The following ASXL2 variants were observed in gnomAD, a reference collection of about 807,000 sequenced individuals.
The protein encoded by ASXL2 is putative Polycomb group protein ASXL2.
ASXL2 carries 23 observed loss-of-function variants against 122.0 expected under a neutral mutation model. That is an observed-to-expected ratio of 0.19 (90% CI 0.14 to 0.27). The LOEUF is 0.27. Ranked by LOEUF, ASXL2 falls within the 10% of genes least tolerant of loss-of-function variation. The probability of loss-of-function intolerance (pLI) is 1.00; values close to 1 mark genes in which losing one functional copy is unlikely to be tolerated. For missense variants in ASXL2, 1,518 were observed against 1,713.8 expected, an observed-to-expected ratio of 0.89 and a Z score of 2.02; for synonymous variants, 650 against 637.0, an observed-to-expected ratio of 1.02 and a Z score of -0.31.
intron 6 of ASXL2, among the ~76,000 whole-genome samples, chr2:25,770,762 G>A (rs1019876867): frequency 1.3e-5 from 2 of 152,138 alleles, no homozygotes; most frequent in Admixed American, 1.3e-4. Context: ...ATCTAGCTGT[G>A]TGTAATTCTC....
chr2:25,816,655 T>G (rs1211231475), intron 3 of ASXL2, among the ~76,000 whole-genome samples: 4 of 152,202 alleles, frequency 2.6e-5, no homozygotes, highest in Non-Finnish European at 5.9e-5. Context: ...TATAAGCCAC[T>G]GAAATTTTAA....
At chr2:25,792,546 C>CA (rs139707569) in intron 5 of ASXL2, among the ~76,000 whole-genome samples, 3,027 of 151,426 alleles carry the variant, frequency 0.02, 88 homozygotes, top group African/African-American at 0.068. Context: ...TGATTAAAAA[C>CA]AAAAAAACAA....
intron 5 of ASXL2, among the ~76,000 whole-genome samples, chr2:25,778,947 TCAATAG>T (rs1187199904): frequency 2.6e-5 from 4 of 152,148 alleles, no homozygotes; most frequent in Non-Finnish European, 5.9e-5. Context: ...GTGCTCACTG[TCAATAG>T]GTTACCACTA....
At chr2:25,756,476 G>GAAAAAAAAAAAAAAAAAAAAAAAA (rs796246064) in intron 9 of ASXL2, among the ~76,000 whole-genome samples, 1 of 104,390 alleles carries the variant, frequency 9.6e-6, no homozygotes, top group Non-Finnish European at 2.1e-5. Context: ...AAAAAAAAAA[G>GAAAAAAAAAAAAAAAAAAAAAAAA]AAAAAAAAAA....
intron 5 of ASXL2, among the ~76,000 whole-genome samples, chr2:25,795,327 A>C (rs763089077): frequency 5.3e-5 from 8 of 152,210 alleles, no homozygotes; most frequent in Non-Finnish European, 1.0e-4. Context: ...CCAATATTCA[A>C]TTTGATATTA....
At chr2:25,795,047 A>C (rs2088892361) in intron 5 of ASXL2, among the ~76,000 whole-genome samples, 1 of 152,202 alleles carries the variant, frequency 6.6e-6, no homozygotes, top group African/African-American at 2.4e-5. Flanking sequence ...AGACTAAATC[A>C]TTCTTCATAA....
chr2:25,864,150 G>A (rs1408345403), intron 1 of ASXL2, among the ~76,000 whole-genome samples: 1 of 152,074 alleles, frequency 6.6e-6, no homozygotes. Context: ...ACTCGTTAAC[G>A]GTGGAGCACT....
intron 8 of ASXL2, among the ~76,000 whole-genome samples, chr2:25,762,665 G>GAAAAAAAAAAAAAAAATAAAAA (rs2088274977): frequency 2.9e-5 from 1 of 34,266 alleles, no homozygotes; most frequent in African/African-American, 1.5e-4. Flanking sequence ...ACTCTTTCTC[G>GAAAAAAAAAAAAAAAATAAAAA]AAAAAAAAAA....
intron 3 of ASXL2, among the ~76,000 whole-genome samples, chr2:25,820,233 A>G (rs1257045401): frequency 2.0e-5 from 3 of 152,188 alleles, no homozygotes; most frequent in Non-Finnish European, 4.4e-5. Context: ...AGTATTTAAA[A>G]GTGAATGGGG....
At chr2:25,784,902 C>T (rs1196955025) in intron 5 of ASXL2, among the ~76,000 whole-genome samples, 2 of 152,182 alleles carry the variant, frequency 1.3e-5, no homozygotes. Context: ...TTGAAGGGGA[C>T]ACAATTTGAA....
At position 25,743,639 on chromosome 2, in the gene ASXL2, G is replaced by A. The variant is rs764952565; in HGVS notation, c.2698C>T (p.Pro900Ser). The change falls in exon 13 of 13, where the codon CCT (proline) becomes TCT (serine). Residue 900 changes from proline (P) to serine (S), a missense_variant. By Grantham distance (74) the Pro-to-Ser change is moderately conservative. Transcript: ENST00000435504. ...GTAGTTGCACTGACCTGGGGTACAGGAAGCTTTTCTAAAGTGGCTGTGGTC... is the reference window on the plus strand; with the variant it reads ...GTAGTTGCACTGACCTGGGGTACAGAAAGCTTTTCTAAAGTGGCTGTGGTC... ...LLTTATLEKL[P>S]VPQVSATTAP... 6.2e-7 allele frequency: 1 copy of A among 1,614,012 alleles called. No individual in the cohort carries two copies. The highest frequency in any genetic ancestry group is 8.5e-7 in the Non-Finnish European group (1 of 1,179,894).
rs2087872267 is a variant in ASXL2, at chr2:25,743,342, T to G, written c.2995A>C (p.Thr999Pro). Residue 999 changes from threonine (T) to proline (P), a missense_variant, in exon 13 of 13, where the codon ACA becomes CCA. By Grantham distance (38) the Thr-to-Pro change is conservative (BLOSUM62 -1). Coordinates refer to ENST00000435504, the MANE Select transcript of ASXL2 (RefSeq NM_018263.6). ...ACTTCCTCTCTGGTGCTATTTTCTG[T>G]TGTGTTGGTAGCTATGAGCGCTCCC... is the stretch of plus-strand genomic sequence containing the variant. ...GMGALIATNTTENSTREEVNE... is the reference protein window; with the variant it reads ...GMGALIATNTPENSTREEVNE... 6.2e-7 allele frequency: 1 copy of G among 1,613,866 alleles called. No homozygotes were observed. The highest frequency in any genetic ancestry group is 8.5e-7 in the Non-Finnish European group (1 of 1,179,890).
At chr2:25,762,658 C>T (rs2149148975) in intron 8 of ASXL2, among the ~76,000 whole-genome samples, 1 of 91,328 alleles carries the variant, frequency 1.1e-5, no homozygotes, top group Non-Finnish European at 2.0e-5. Context: ...GAGCGAGACT[C>T]TTTCTCGAAA....
At chr2:25,861,538 A>G (rs1002697862) in intron 1 of ASXL2, among the ~76,000 whole-genome samples, 1 of 152,224 alleles carries the variant, frequency 6.6e-6, no homozygotes, top group African/African-American at 2.4e-5. Flanking sequence ...CAAAATACTT[A>G]AAGAACTATA....
rs553899733 is a variant in ASXL2 at position 25,845,411 on chromosome 2, T to C, written c.140+70A>G. 50 of 1,309,432 alleles carry C rather than the reference T, an allele frequency of 3.8e-5. 1 individual carries two copies. The highest frequency in any genetic ancestry group is 2.3e-4 in the Middle Eastern group (1 of 4,268). The allele number at this position is 1,309,432 out of a possible 1,614,324, so 81.1% of individuals were successfully genotyped here. On this transcript the variant is annotated intron_variant, in intron 2 of 12. Transcript: ENST00000435504. ...GTAATTAATCTTCAGGACTAAAGTA[T>C]ACTATTATATACTACCAAATACTCT...
In ASXL2 at chr2:25,799,386, T is replaced by A; in HGVS notation, c.402A>T (p.Lys134Asn). The change falls in exon 5 of 13, where the codon AAA becomes AAT. Residue 134 changes from lysine to asparagine, a missense_variant and splice_region_variant. Physicochemically the swap from Lys to Asn is moderately conservative, Grantham distance 94. This residue lies in a region of ASXL2 where 198 missense variants were observed against 209.0 expected (regional missense o/e 0.95). Coordinates refer to ENST00000435504, the MANE Select transcript of ASXL2 (RefSeq NM_018263.6). Reference protein sequence around the residue: ...KEGKKSRWKRKVSSSSPQSGC... With the variant: ...KEGKKSRWKRNVSSSSPQSGC... ...TATTGAAGGATCAGGTGGATTTACC[T>A]TTCCTTTTCCACCTGCTCTTTTTTC... is the stretch of plus-strand genomic sequence containing the variant. 1 of 1,614,006 alleles carries A rather than the reference T, an allele frequency of 6.2e-7. No individual in the cohort carries two copies. The highest frequency in any genetic ancestry group is 8.5e-7 in the Non-Finnish European group (1 of 1,179,880).
At chr2:25,851,105 C>T (rs1454854189) in intron 1 of ASXL2, among the ~76,000 whole-genome samples, 1 of 150,366 alleles carries the variant, frequency 6.7e-6, no homozygotes, top group Admixed American at 6.6e-5. Context: ...AACATTGTGC[C>T]ACTGCACTCC....
At chr2:25,792,122 A>C (rs2088843523) in intron 5 of ASXL2, among the ~76,000 whole-genome samples, 1 of 152,168 alleles carries the variant, frequency 6.6e-6, no homozygotes, top group African/African-American at 2.4e-5. Flanking sequence ...TCAGTCTACC[A>C]AGTAGCTGGG....
intron 10 of ASXL2, 130 bp downstream of exon 10, chr2:25,755,888 A>C: frequency 2.6e-6 from 2 of 774,992 alleles, no homozygotes. Context: ...TGTTCCACAC[A>C]TGATGGTTAA....
Sources: allele counts gnomAD v4.1 joint callset (sites outside exome capture counted in the v4.1 genomes callset), GRCh38; gene constraint gnomAD v4.1.1; regional missense constraint gnomAD v4.1.1; transcripts MANE v1.5; gene names NCBI Gene and HGNC (gene_info 2026-07-23, HGNC 2026-07-21).